Variants in ADAMTSL1 observed in about 807,000 individuals in gnomAD.
ADAMTSL1 encodes ADAMTS-like protein 1.
ADAMTSL1 carries 126 observed loss-of-function variants against 201.8 expected under a neutral mutation model. The observed-to-expected ratio is 0.62, with a 90% CI of 0.54 to 0.72. ADAMTSL1 has a LOEUF of 0.72. Ranked by LOEUF, ADAMTSL1 falls within the 30% of genes least tolerant of loss-of-function variation. The probability of loss-of-function intolerance (pLI) is 0.00; values close to 1 mark genes in which losing one functional copy is unlikely to be tolerated. For synonymous variants in ADAMTSL1, 1,121 were observed against 903.4 expected, an observed-to-expected ratio of 1.24 and a Z score of -4.32; for missense variants, 2,679 against 2,277.8, an observed-to-expected ratio of 1.18 and a Z score of -3.59.
chr9:18,776,740 C>G (rs1182524082), intron 18 of ADAMTSL1, 41 bp from the exon 19 acceptor site: 23 of 1,502,492 alleles, frequency 1.5e-5, no homozygotes, highest in Admixed American at 4.3e-5. Context: ...TTCTCTCTCC[C>G]CACCTCTTTC....
At chr9:18,370,174 G>A (rs556514593) in intron 2 of ADAMTSL1, among the ~76,000 whole-genome samples, 1 of 152,136 alleles carries the variant, frequency 6.6e-6, no homozygotes, top group South Asian at 2.1e-4. Context: ...CAGCTACTTG[G>A]GAGGCTGAGG....
chr9:18,450,467 G>T (rs997541344), intron 2 of ADAMTSL1, among the ~76,000 whole-genome samples: 16 of 152,066 alleles, frequency 1.1e-4, no homozygotes, highest in Admixed American at 9.2e-4. Flanking sequence ...AGTCAGTTAG[G>T]AAAAGGTCAA....
chr9:18,891,206 T>G (rs1282172833), intron 25 of ADAMTSL1, among the ~76,000 whole-genome samples: 1 of 152,254 alleles, frequency 6.6e-6, no homozygotes. Context: ...GGTTCACCTT[T>G]GACCCGTTTG....
At chr9:18,210,419 ATATT>A (rs1829819919) in intron 2 of ADAMTSL1, among the ~76,000 whole-genome samples, 1 of 146,008 alleles carries the variant, frequency 6.8e-6, no homozygotes, top group African/African-American at 2.5e-5. Flanking sequence ...TATATGATAT[ATATT>A]AATAAATATA....
At chr9:18,641,703 GA>G (rs909224063) in intron 7 of ADAMTSL1, among the ~76,000 whole-genome samples, 1 of 151,736 alleles carries the variant, frequency 6.6e-6, no homozygotes, top group Non-Finnish European at 1.5e-5. Flanking sequence ...CAGAAAAAAA[GA>G]AGAAAATTAT....
At chr9:18,291,747 T>TCTCTCACA (rs1354410845) in intron 2 of ADAMTSL1, among the ~76,000 whole-genome samples, 2 of 99,876 alleles carry the variant, frequency 2.0e-5, no homozygotes, top group South Asian at 4.1e-4. Flanking sequence ...TCTCTCTCTC[T>TCTCTCACA]CACACACACA....
chr9:18,514,962 G>C (rs1250804041), intron 2 of ADAMTSL1, among the ~76,000 whole-genome samples: 5 of 152,162 alleles, frequency 3.3e-5, no homozygotes, highest in Admixed American at 3.3e-4. Context: ...TGCCTAGTTT[G>C]AGAGTTCACA....
At position 18,588,850 on chromosome 9, in the gene ADAMTSL1, G is replaced by T. The variant is rs530669711; in HGVS notation, c.474+14584G>T. ...TTTATGCCAGTACCATGCTGTTGGG[G>T]TTACTATAGCTTTGTGCCATATATA... On this transcript the variant is annotated intron_variant, in intron 4 of 28. Transcript: ENST00000380548. Among the ~76,000 whole-genome samples, 6 of 102,614 alleles carry T rather than the reference G, an allele frequency of 5.8e-5. No individual in the cohort carries two copies. The East Asian group carries it at 1.3e-3, about 22-fold the overall frequency. 67.3% of individuals were successfully genotyped at this position (102,614 alleles called of 152,430 possible).
intron 2 of ADAMTSL1, among the ~76,000 whole-genome samples, chr9:18,399,318 T>TATATACATACATATAC (rs1554672311): frequency 9.9e-6 from 1 of 100,796 alleles, no homozygotes; most frequent in African/African-American, 3.7e-5. Context: ...TATATATATA[T>TATATACATACATATAC]ATATATATAT....
chr9:18,270,945 G>A (rs1832336453), intron 2 of ADAMTSL1, among the ~76,000 whole-genome samples: 1 of 152,162 alleles, frequency 6.6e-6, no homozygotes, highest in South Asian at 2.1e-4. Context: ...CCTAAGAAGG[G>A]AGTAGGACCA....
intron 4 of ADAMTSL1, among the ~76,000 whole-genome samples, chr9:18,611,213 A>T (rs935058919): frequency 6.6e-6 from 1 of 152,204 alleles, no homozygotes; most frequent in Non-Finnish European, 1.5e-5. Flanking sequence ...AGTTAATGCC[A>T]TGTGAAGTGA....
At chr9:18,858,069 A>G (rs541124643) in intron 23 of ADAMTSL1, among the ~76,000 whole-genome samples, 64 of 152,204 alleles carry the variant, frequency 4.2e-4, no homozygotes, top group African/African-American at 1.4e-3. Flanking sequence ...AAATGCATAT[A>G]TCTGTGCATG....
At position 18,680,442 on chromosome 9, in the gene ADAMTSL1, A is replaced by G; in HGVS notation, c.1267A>G (p.Thr423Ala). The G allele has an allele frequency of 6.2e-7, 1 of 1,614,000 alleles. No homozygotes were observed. The highest frequency in any genetic ancestry group is 8.5e-7 in the Non-Finnish European group (1 of 1,179,992). ...AGTGGAAGAGTGGAAATGCATGTAC[A>G]CCCCTAAGATGCCCATCGCGCAGCC... The part of the protein sequence containing the change: ...TSVEEWKCMY[T>A]PKMPIAQPCN... The change falls in exon 11 of 29, where the codon ACC becomes GCC. Residue 423 changes from threonine (T) to alanine (A), a missense_variant. Physicochemically the swap from Thr to Ala is moderately conservative, Grantham distance 58 (BLOSUM62 0). Transcript: ENST00000380548.
chr9:18,452,990 G>A (rs1207722730), intron 2 of ADAMTSL1, among the ~76,000 whole-genome samples: 1 of 152,216 alleles, frequency 6.6e-6, no homozygotes, highest in Non-Finnish European at 1.5e-5. Context: ...CATAGTAGGA[G>A]CTCTCCGCAG....
At chr9:18,893,776 A>C (rs1353902073) in intron 26 of ADAMTSL1, among the ~76,000 whole-genome samples, 2 of 152,230 alleles carry the variant, frequency 1.3e-5, no homozygotes, top group Non-Finnish European at 2.9e-5. Flanking sequence ...CCTGTGAGAC[A>C]CAAAAAAATC....
At chr9:18,650,181 G>T (rs1048362200) in intron 7 of ADAMTSL1, among the ~76,000 whole-genome samples, 5 of 152,160 alleles carry the variant, frequency 3.3e-5, no homozygotes, top group Admixed American at 6.5e-5. Context: ...CCGTGGGCGT[G>T]GGACCCTCTG....
chr9:17,969,773 A>G (rs1169541198), intron 1 of ADAMTSL1, among the ~76,000 whole-genome samples: 1 of 152,098 alleles, frequency 6.6e-6, no homozygotes, highest in African/African-American at 2.4e-5. Flanking sequence ...TTTGAAGTCT[A>G]AAATTTATAA....
chr9:18,511,208 C>A (rs371644658), intron 2 of ADAMTSL1, among the ~76,000 whole-genome samples: 1 of 151,974 alleles, frequency 6.6e-6, no homozygotes, highest in African/African-American at 2.4e-5. Flanking sequence ...TCTTCTGAGA[C>A]CTTTTTTACT....
chr9:18,196,614 G>A (rs1829193837), intron 2 of ADAMTSL1, among the ~76,000 whole-genome samples: 2 of 151,978 alleles, frequency 1.3e-5, no homozygotes, highest in African/African-American at 2.4e-5. Flanking sequence ...ATTTGGGGGT[G>A]CTCTTCAAAC....
Sources: gnomAD v4.1 joint callset for allele counts (sites outside exome capture counted in the v4.1 genomes callset) on GRCh38, gnomAD v4.1.1 for gene constraint, MANE v1.5 for transcripts, NCBI Gene and HGNC (gene_info 2026-07-23, HGNC 2026-07-21) for gene names.